Variants in STX8 observed in about 807,000 individuals in gnomAD.
STX8 encodes the protein syntaxin 8.
STX8 carries 23 observed loss-of-function variants against 37.5 expected under a neutral mutation model. The ratio of observed to expected loss-of-function variants is 0.61; its 90% CI spans 0.44 to 0.87. STX8 has a LOEUF of 0.87. Among genes scored for constraint, STX8 ranks in the 40% least tolerant of loss-of-function variants. The probability of loss-of-function intolerance (pLI) is 0.00; values close to 1 mark genes in which losing one functional copy is unlikely to be tolerated. For missense variants in STX8, 313 were observed against 284.7 expected, an observed-to-expected ratio of 1.10 and a Z score of -0.71; for synonymous variants, 115 against 99.1, an observed-to-expected ratio of 1.16 and a Z score of -0.95.
intron 6 of STX8, among the ~76,000 whole-genome samples, chr17:9,387,733 G>A (rs536962785): frequency 2.6e-5 from 4 of 152,300 alleles, no homozygotes; most frequent in South Asian, 2.1e-4. Context: ...TCAGTATTGC[G>A]TGATGCATCA....
intron 4 of STX8, among the ~76,000 whole-genome samples, chr17:9,544,767 C>T (rs1195265370): frequency 3.9e-5 from 6 of 152,034 alleles, no homozygotes; most frequent in Admixed American, 6.6e-5. Context: ...CCAAGGCGGG[C>T]GGATCACGAG....
intron 7 of STX8, among the ~76,000 whole-genome samples, chr17:9,359,371 A>G (rs149551388): frequency 8.5e-5 from 13 of 152,174 alleles, no homozygotes; most frequent in African/African-American, 3.1e-4. Context: ...CAAGATAAAC[A>G]CACTGGCCCT....
Position 9,342,709 on chromosome 17 carries a change from C to T in STX8, c.643+35843G>A, listed in dbSNP as rs1031595107. ...GAGTGCCAGGAAATGACAGGGAGAT[C>T]AAGAGACAGATGTGCAGATAAAAGT... On this transcript the variant is annotated intron_variant, in intron 7 of 7. Coordinates refer to ENST00000306357, the MANE Select transcript of STX8 (RefSeq NM_004853.3). Among the ~76,000 whole-genome samples the T allele has an allele frequency of 3.9e-5, 6 of 152,130 alleles. No individual in the cohort carries two copies. In the South Asian group the frequency reaches 8.3e-4, roughly 21 times the overall value.
intron 2 of STX8, among the ~76,000 whole-genome samples, chr17:9,567,828 G>A (rs1372589463): frequency 6.6e-6 from 1 of 152,114 alleles, no homozygotes; most frequent in African/African-American, 2.4e-5. Flanking sequence ...CTGGACTACA[G>A]GTGTGTGCCA....
intron 7 of STX8, among the ~76,000 whole-genome samples, chr17:9,284,650 A>G (rs980807465): frequency 3.9e-5 from 6 of 152,250 alleles, no homozygotes; most frequent in African/African-American, 9.6e-5. Context: ...GTCAAGGCAA[A>G]TGAAACATAC....
At position 9,518,570 on chromosome 17, in the gene STX8, T is replaced by C. The variant is rs28599999; in HGVS notation, c.324-13408A>G. 6.1e-3 allele frequency among the ~76,000 whole-genome samples: 932 copies of C among 152,230 alleles called. 8 individuals are homozygous for C. The highest frequency in any genetic ancestry group is 0.02 in the African/African-American group (813 of 41,546). ...TATCTGTGCTAGGGGCTTCAGGCTG[T>C]AGGAACAGATGCTAGCAGCCAGGCG... On this transcript the variant is annotated intron_variant, in intron 4 of 7. Coordinates refer to ENST00000306357, the MANE Select transcript of STX8 (RefSeq NM_004853.3).
chr17:9,568,486 A>G lies in STX8; in HGVS notation c.18-16T>C. 6.2e-7 allele frequency: 1 copy of G among 1,602,224 alleles called. No individual in the cohort carries two copies. Among genetic ancestry groups the G allele is most frequent in the Non-Finnish European group, 8.5e-7 (1 of 1,172,714 alleles). Reference sequence around the variant, plus strand: ...TGTGGAGAACCTGCACCAAAGTCGTAAAAAGAGAAAATGTTTAAGGTTCTT... The same window carrying G: ...TGTGGAGAACCTGCACCAAAGTCGTGAAAAGAGAAAATGTTTAAGGTTCTT... On this transcript the variant is annotated splice_polypyrimidine_tract_variant and intron_variant, in intron 1 of 7. Coordinates refer to ENST00000306357, the MANE Select transcript of STX8 (RefSeq NM_004853.3).
chr17:9,445,492 A>AGC (rs1567563880), intron 6 of STX8, among the ~76,000 whole-genome samples: 11 of 2,616 alleles, frequency 4.2e-3, no homozygotes, highest in Admixed American at 0.016. Flanking sequence ...GTGGCCGGGG[A>AGC]GGGGGGGATG....
At chr17:9,546,199 AAG>A (rs1379676507) in intron 3 of STX8, among the ~76,000 whole-genome samples, 3 of 152,250 alleles carry the variant, frequency 2.0e-5, no homozygotes, top group East Asian at 1.9e-4. Context: ...GAAAATTACA[AAG>A]AGAATCATTT....
intron 7 of STX8, among the ~76,000 whole-genome samples, chr17:9,315,399 G>A (rs1437053315): frequency 2.0e-5 from 3 of 152,168 alleles, no homozygotes; most frequent in African/African-American, 7.2e-5. Flanking sequence ...GACAGGTTCT[G>A]GCCAGTTTAC....
chr17:9,433,022 T>C (rs1366946372), intron 6 of STX8, among the ~76,000 whole-genome samples: 1 of 152,202 alleles, frequency 6.6e-6, no homozygotes, highest in Non-Finnish European at 1.5e-5. Context: ...AGTCAAACAA[T>C]ATTAAGGCCA....
chr17:9,285,701 T>C (rs566170954), intron 7 of STX8, among the ~76,000 whole-genome samples: 2 of 152,376 alleles, frequency 1.3e-5, no homozygotes, highest in South Asian at 4.1e-4. Context: ...CTTTTGGAAT[T>C]GTTACATGCT....
intron 7 of STX8, among the ~76,000 whole-genome samples, chr17:9,273,780 C>G (rs911985732): frequency 6.6e-6 from 1 of 152,220 alleles, no homozygotes; most frequent in African/African-American, 2.4e-5. Context: ...GGCGATTTCC[C>G]ACGCATTCCC....
chr17:9,389,461 C>T (rs543374395), intron 6 of STX8, among the ~76,000 whole-genome samples: 10 of 152,278 alleles, frequency 6.6e-5, no homozygotes, highest in Admixed American at 5.2e-4. Context: ...TCTGAGATAT[C>T]GAGTGACATT....
intron 7 of STX8, among the ~76,000 whole-genome samples, chr17:9,257,516 G>A (rs955337552): frequency 1.3e-5 from 2 of 152,156 alleles, no homozygotes; most frequent in Non-Finnish European, 2.9e-5. Flanking sequence ...AGAGAGTGTG[G>A]ATCTCTGTGT....
intron 6 of STX8, among the ~76,000 whole-genome samples, chr17:9,474,571 C>G: frequency 6.6e-6 from 1 of 152,206 alleles, no homozygotes; most frequent in East Asian, 1.9e-4. Context: ...GAGTTAGCAT[C>G]AGACTCCACA....
chr17:9,374,750 T>G (rs1031984083), intron 7 of STX8, among the ~76,000 whole-genome samples: 5 of 152,048 alleles, frequency 3.3e-5, no homozygotes, highest in African/African-American at 1.2e-4. Context: ...GAAATAATGA[T>G]CTCTAAAGTA....
At chr17:9,381,838 G>A (rs1206635367) in intron 6 of STX8, among the ~76,000 whole-genome samples, 5 of 152,126 alleles carry the variant, frequency 3.3e-5, no homozygotes, top group South Asian at 2.1e-4. Context: ...GCATGGTGGC[G>A]TGCGCCTGTA....
chr17:9,482,546 T>C (rs1597699908), intron 6 of STX8, among the ~76,000 whole-genome samples: 1 of 152,290 alleles, frequency 6.6e-6, no homozygotes, highest in Non-Finnish European at 1.5e-5. Flanking sequence ...ATTATCAAAG[T>C]GCTAAATAAA....
Sources: gnomAD v4.1 joint callset for allele counts (sites outside exome capture counted in the v4.1 genomes callset) on GRCh38, gnomAD v4.1.1 for gene constraint, MANE v1.5 for transcripts, NCBI Gene and HGNC (gene_info 2026-07-23, HGNC 2026-07-21) for gene names.